Variants in ZNF438 observed in about 807,000 individuals in gnomAD.
The protein encoded by ZNF438 is zinc finger protein 438.
ZNF438 carries 25 observed loss-of-function variants against 38.0 expected under a neutral mutation model. The ratio of observed to expected loss-of-function variants is 0.66; its 90% CI spans 0.48 to 0.92. The LOEUF (loss-of-function observed/expected upper bound fraction) is 0.92, where lower values mean the gene tolerates loss of function less well. Among genes scored for constraint, ZNF438 ranks in the 40% least tolerant of loss-of-function variants. The pLI, the probability that ZNF438 is intolerant of heterozygous loss-of-function variation, is 0.00. For missense variants in ZNF438, 1,007 were observed against 999.6 expected, an observed-to-expected ratio of 1.01 and a Z score of -0.10; for synonymous variants, 372 against 364.1, an observed-to-expected ratio of 1.02 and a Z score of -0.25.
At chr10:30,947,112 A>G (rs1175727716) in intron 1 of ZNF438, among the ~76,000 whole-genome samples, 2 of 152,260 alleles carry the variant, frequency 1.3e-5, no homozygotes, top group Non-Finnish European at 2.9e-5. Flanking sequence ...AGTCCCAGAT[A>G]AAACTAGGTT....
At chr10:30,869,426 CT>C (rs1293217809) in intron 4 of ZNF438, among the ~76,000 whole-genome samples, 2 of 151,960 alleles carry the variant, frequency 1.3e-5, no homozygotes, top group East Asian at 3.9e-4. Context: ...AGAAATACAG[CT>C]ATTTTAAACA....
intron 1 of ZNF438, among the ~76,000 whole-genome samples, chr10:30,968,413 G>C (rs1477358279): frequency 6.9e-6 from 1 of 144,862 alleles, no homozygotes; most frequent in Non-Finnish European, 1.5e-5. Flanking sequence ...CAGAAGCTTA[G>C]AGAATTTAAC....
chr10:30,858,305 TA>T, intron 4 of ZNF438, among the ~76,000 whole-genome samples: 1 of 152,370 alleles, frequency 6.6e-6, no homozygotes. Context: ...TTTCAAATAA[TA>T]AATTCCACTT....
intron 2 of ZNF438, among the ~76,000 whole-genome samples, chr10:30,913,017 T>C (rs1008956801): frequency 6.6e-6 from 1 of 152,112 alleles, no homozygotes; most frequent in Admixed American, 6.5e-5. Context: ...ATCTTTTCTA[T>C]AACTGCACCA....
In ZNF438 at chr10:30,872,425, CAAAAAAAAAAAAAAAA is replaced by C. The variant is rs566401687; in HGVS notation, c.37+4557_37+4572del. Among the ~76,000 whole-genome samples, 118 of 58,670 alleles carry C rather than the reference CAAAAAAAAAAAAAAAA, an allele frequency of 2.0e-3. 1 individual carries two copies. Among genetic ancestry groups the C allele is most frequent in the African/African-American group, 5.9e-3 (99 of 16,700 alleles). 38.5% of individuals were successfully genotyped at this position (58,670 alleles called of 152,430 possible). On this transcript the variant is annotated intron_variant, in intron 4 of 5. Transcript: ENST00000413025. Reference sequence around the variant, plus strand: ...TGGGTGACAGAACAAGACTCTGTCTCAAAAAAAAAAAAAAAAAAAAAAAAAAAAAAAAAAAAAAAAA... The same window carrying C: ...TGGGTGACAGAACAAGACTCTGTCTCAAAAAAAAAAAAAAAAAAAAAAAAA...
At chr10:30,901,574 A>G (rs1019525943) in intron 3 of ZNF438, among the ~76,000 whole-genome samples, 1 of 152,180 alleles carries the variant, frequency 6.6e-6, no homozygotes, top group South Asian at 2.1e-4. Flanking sequence ...AAGGAAAAAT[A>G]GGACAGAATA....
chr10:31,032,037 G>A (rs1002131333), upstream of ZNF438: 9 of 152,154 alleles, frequency 5.9e-5, no homozygotes, highest in Non-Finnish European at 5.9e-5. Context: ...AGGCGCAGAC[G>A]GCCTCTGCGC....
chr10:30,984,342 T>C (rs989097683), intron 1 of ZNF438, 27 bp downstream of exon 2: 8 of 152,160 alleles, frequency 5.3e-5, no homozygotes, highest in African/African-American at 1.7e-4. Context: ...TTCAGAAATC[T>C]CTCTTCAAAA....
chr10:31,014,138 A>C (rs1409777618), intron 1 of ZNF438, among the ~76,000 whole-genome samples: 2 of 152,190 alleles, frequency 1.3e-5, no homozygotes, highest in Admixed American at 1.3e-4. Context: ...CCTTCTTTGC[A>C]GTCCAATTTG....
At chr10:31,017,367 G>T (rs2056276967) in intron 1 of ZNF438, among the ~76,000 whole-genome samples, 1 of 152,166 alleles carries the variant, frequency 6.6e-6, no homozygotes, top group Non-Finnish European at 1.5e-5. Context: ...CTCCAATAGG[G>T]CAGCAAAGAT....
In ZNF438 at chr10:30,875,201, C is replaced by G. The variant is rs532491422; in HGVS notation, c.37+1797G>C. On this transcript the variant is annotated intron_variant, in intron 4 of 5. Coordinates refer to ENST00000413025, the Ensembl canonical transcript of ZNF438. Reference sequence around the variant, plus strand: ...GAAGTATCCAAGCTTATGTGATAGCCCAGAGAGGTAGGCATCAGAACAAAA... The same window carrying G: ...GAAGTATCCAAGCTTATGTGATAGCGCAGAGAGGTAGGCATCAGAACAAAA... 5.2e-4 allele frequency: 502 copies of G among 957,732 alleles called. 1 individual carries two copies. The highest frequency in any genetic ancestry group is 3.2e-3 in the Middle Eastern group (6 of 1,850). The allele number at this position is 957,732 out of a possible 1,614,324, so 59.3% of individuals were successfully genotyped here. A position where few individuals can be genotyped will look rare whatever the true frequency, so the allele number is the denominator to read the frequency against.
In ZNF438 at chr10:30,845,524, C is replaced by A. The variant is rs35170728; in HGVS notation, c.1924G>T (p.Glu642Ter). The change falls in exon 6 of 6, where the codon GAA (glutamate) becomes TAA (stop). Residue 642 changes from glutamate to a stop codon, truncating the protein, a stop_gained. Transcript: ENST00000413025. LOFTEE classifies it low-confidence loss of function (END_TRUNC). The stretch of plus-strand genomic sequence containing the variant: ...CCACATTTGATTTGTAATTTGACTT[C>A]GTCTGCCTGGTTTAGAAGGAAGTCT... The A allele has an allele frequency of 7.4e-6, 12 of 1,613,810 alleles. No individual in the cohort carries two copies. The highest frequency in any genetic ancestry group is 1.0e-5 in the Non-Finnish European group (12 of 1,180,024).
At chr10:30,982,360 C>T (rs190373161) in intron 1 of ZNF438, among the ~76,000 whole-genome samples, 1 of 152,248 alleles carries the variant, frequency 6.6e-6, no homozygotes, top group East Asian at 1.9e-4. Context: ...CTCAGTCTCA[C>T]AAAGTGCTGA....
intron 2 of ZNF438, among the ~76,000 whole-genome samples, chr10:30,940,275 G>A (rs1208181136): frequency 1.3e-5 from 2 of 152,196 alleles, no homozygotes; most frequent in Non-Finnish European, 2.9e-5. Context: ...TTACAATCTA[G>A]GGTGGGAGAT....
chr10:31,029,007 GT>G (rs1157525515), intron 1 of ZNF438, among the ~76,000 whole-genome samples: 1 of 152,130 alleles, frequency 6.6e-6, no homozygotes, highest in Non-Finnish European at 1.5e-5. Flanking sequence ...AAATAAATGG[GT>G]ATCTCCAACC....
At chr10:30,856,542 C>T (rs1212537766) in intron 4 of ZNF438, among the ~76,000 whole-genome samples, 1 of 152,174 alleles carries the variant, frequency 6.6e-6, no homozygotes, top group African/African-American at 2.4e-5. Flanking sequence ...TACACATTTA[C>T]AAGGCCTTTC....
chr10:31,006,009 T>G (rs561695783), intron 1 of ZNF438, among the ~76,000 whole-genome samples: 1 of 152,320 alleles, frequency 6.6e-6, no homozygotes, highest in East Asian at 1.9e-4. Flanking sequence ...GAATATTGCC[T>G]CCCTCAAAGG....
At chr10:31,011,033 T>C (rs2055648772) in intron 1 of ZNF438, among the ~76,000 whole-genome samples, 1 of 150,246 alleles carries the variant, frequency 6.7e-6, no homozygotes, top group South Asian at 2.1e-4. Context: ...AAATTAACAC[T>C]CAGGAAGATG....
intron 3 of ZNF438, among the ~76,000 whole-genome samples, chr10:30,878,755 C>T (rs921096803): frequency 1.3e-5 from 2 of 152,140 alleles, no homozygotes; most frequent in Non-Finnish European, 2.9e-5. Flanking sequence ...ACCTGGGCAC[C>T]GCCACAGGGT....
Sources: gnomAD v4.1 joint callset for allele counts (sites outside exome capture counted in the v4.1 genomes callset) on GRCh38, gnomAD v4.1.1 for gene constraint, MANE v1.5 for transcripts, NCBI Gene and HGNC (gene_info 2026-07-23, HGNC 2026-07-21) for gene names.